Variants in ASIC2 observed in about 807,000 individuals in gnomAD.
ASIC2 encodes the protein acid-sensing ion channel 2.
ASIC2 carries 25 observed loss-of-function variants against 57.3 expected under a neutral mutation model. The observed-to-expected ratio is 0.44, with a 90% confidence interval of 0.32 to 0.61. The LOEUF (loss-of-function observed/expected upper bound fraction) is 0.61. Among genes scored for constraint, ASIC2 ranks in the 20% least tolerant of loss-of-function variants. ASIC2 has a pLI of 0.06. For synonymous variants in ASIC2, 319 were observed against 307.5 expected (o/e 1.04, Z -0.39); for missense variants, 641 against 738.1 (o/e 0.87, Z 1.52).
chr17:33,590,262 G>A (rs1201784970), intron 1 of ASIC2, among the ~76,000 whole-genome samples: 1 of 152,148 alleles, frequency 6.6e-6, no homozygotes, highest in African/African-American at 2.4e-5. Context: ...AGATCAAGGG[G>A]CAGTATGGAT....
At chr17:34,027,519 C>A (rs1907425251) in intron 1 of ASIC2, among the ~76,000 whole-genome samples, 1 of 152,186 alleles carries the variant, frequency 6.6e-6, no homozygotes, top group Non-Finnish European at 1.5e-5. Context: ...CCCAAACCAA[C>A]CTGAGCACTT....
chr17:33,426,764 C>A (rs1213833851), intron 1 of ASIC2, among the ~76,000 whole-genome samples: 1 of 152,208 alleles, frequency 6.6e-6, no homozygotes, highest in East Asian at 1.9e-4. Flanking sequence ...AGTCCATGAT[C>A]TCTGTCCTCA....
At chr17:33,740,172 T>C (rs766632664) in intron 1 of ASIC2, among the ~76,000 whole-genome samples, 2 of 152,144 alleles carry the variant, frequency 1.3e-5, no homozygotes, top group Non-Finnish European at 2.9e-5. Flanking sequence ...GAGAGCAAAG[T>C]AGGTTTATGG....
At chr17:33,513,431 T>C (rs904612497) in intron 1 of ASIC2, among the ~76,000 whole-genome samples, 4 of 152,258 alleles carry the variant, frequency 2.6e-5, no homozygotes, top group South Asian at 2.1e-4. Flanking sequence ...TTCTAGATAA[T>C]GCATAACTTC....
intron 1 of ASIC2, among the ~76,000 whole-genome samples, chr17:33,594,340 G>C (rs1904916056): frequency 6.6e-6 from 1 of 152,338 alleles, no homozygotes; most frequent in Non-Finnish European, 1.5e-5. Flanking sequence ...CGGCTCTGGG[G>C]ATGGCTGGAT....
intron 1 of ASIC2, among the ~76,000 whole-genome samples, chr17:33,690,944 T>A (rs1019354472): frequency 6.6e-6 from 1 of 151,814 alleles, no homozygotes; most frequent in Non-Finnish European, 1.5e-5. Flanking sequence ...AGAGACGGGG[T>A]TTCACTGTGT....
chr17:33,219,392 A>C (rs1264872702), intron 1 of ASIC2, among the ~76,000 whole-genome samples: 1 of 152,240 alleles, frequency 6.6e-6, no homozygotes, highest in African/African-American at 2.4e-5. Context: ...CTATGAGGTA[A>C]TAAATAACAG....
intron 1 of ASIC2, among the ~76,000 whole-genome samples, chr17:33,172,098 G>A (rs1447811037): frequency 6.6e-6 from 1 of 152,216 alleles, no homozygotes; most frequent in East Asian, 1.9e-4. Context: ...ATAGGAAGGA[G>A]CAGTGAATCT....
intron 1 of ASIC2, among the ~76,000 whole-genome samples, chr17:33,935,073 G>T (rs1270009166): frequency 6.6e-6 from 1 of 152,194 alleles, no homozygotes; most frequent in African/African-American, 2.4e-5. Context: ...AGCCCTGCCT[G>T]CAAGCCTCAA....
chr17:33,432,997 T>C (rs759004541), intron 1 of ASIC2, among the ~76,000 whole-genome samples: 5 of 152,182 alleles, frequency 3.3e-5, no homozygotes, highest in African/African-American at 1.2e-4. Flanking sequence ...GGTGTGGTGA[T>C]TCCTCAAAGA....
At chr17:34,131,657 A>T (rs1003915) in intron 1 of ASIC2, among the ~76,000 whole-genome samples, 49,305 of 152,168 alleles carry the variant, frequency 0.32, 8,885 homozygotes, top group Middle Eastern at 0.45. Flanking sequence ...CCTGTCCACA[A>T]ATGCTCTAGA....
intron 1 of ASIC2, among the ~76,000 whole-genome samples, chr17:33,743,937 C>T (rs762490138): frequency 1.3e-5 from 2 of 152,194 alleles, no homozygotes; most frequent in Non-Finnish European, 2.9e-5. Flanking sequence ...ACTCTGACTC[C>T]AGATCTTTCG....
chr17:34,097,311 A>T (rs1343834454), intron 1 of ASIC2, among the ~76,000 whole-genome samples: 1 of 152,138 alleles, frequency 6.6e-6, no homozygotes, highest in Admixed American at 6.5e-5. Flanking sequence ...CACAGACAAG[A>T]AGTAGGATGC....
At position 34,077,471 on chromosome 17, in the gene ASIC2, A is replaced by G. The variant is rs9303672; in HGVS notation, c.555+78507T>C. Among the ~76,000 whole-genome samples, 1,280 of 152,324 alleles carry G rather than the reference A, an allele frequency of 8.4e-3. 15 individuals carry two copies. The highest frequency in any genetic ancestry group is 0.029 in the African/African-American group (1,190 of 41,574). ...AGCAACACGACGTTTTGTCTGGCTA[A>G]GCTTTGGGGCTGATTGAAAGTCTTC... On this transcript the variant is annotated intron_variant, in intron 1 of 9. Transcript: ENST00000359872.
intron 1 of ASIC2, among the ~76,000 whole-genome samples, chr17:33,264,834 G>T (rs981818590): frequency 6.6e-6 from 1 of 152,234 alleles, no homozygotes; most frequent in African/African-American, 2.4e-5. Flanking sequence ...GGTTCAAACA[G>T]TTACAGGGAA....
chr17:34,015,941 C>T (rs1292620511), intron 1 of ASIC2, among the ~76,000 whole-genome samples: 1 of 152,202 alleles, frequency 6.6e-6, no homozygotes, highest in African/African-American at 2.4e-5. Context: ...TGGGATAATA[C>T]ATTTTAAGTA....
intron 1 of ASIC2, among the ~76,000 whole-genome samples, chr17:33,145,112 A>C (rs940220975): frequency 6.6e-6 from 1 of 152,062 alleles, no homozygotes; most frequent in African/African-American, 2.4e-5. Flanking sequence ...TCAGCTTCAA[A>C]CCCTTCTATG....
chr17:33,349,388 C>A (rs2142246747), intron 1 of ASIC2, among the ~76,000 whole-genome samples: 1 of 152,298 alleles, frequency 6.6e-6, no homozygotes, highest in East Asian at 1.9e-4. Context: ...GAGCACTGGA[C>A]TGGGGTCAGT....
intron 1 of ASIC2, chr17:33,791,771 GT>G (rs1278076557): frequency 1.3e-5 from 2 of 151,786 alleles, no homozygotes; most frequent in Non-Finnish European, 2.9e-5. Context: ...TGCTATAATA[GT>G]TCATAAATGG....
Sources: allele counts gnomAD v4.1 joint callset (sites outside exome capture counted in the v4.1 genomes callset), GRCh38; gene constraint gnomAD v4.1.1; transcripts MANE v1.5; gene names NCBI Gene and HGNC (gene_info 2026-07-23, HGNC 2026-07-21).